Variants in TRRAP observed in about 807,000 individuals in gnomAD.
TRRAP encodes transformation/transcription domain associated protein, also known as transformation/transcription domain-associated protein.
TRRAP carries 41 observed loss-of-function variants against 438.8 expected under a neutral mutation model. The ratio of observed to expected loss-of-function variants is 0.09; its 90% confidence interval spans 0.07 to 0.12. The LOEUF is 0.12. Ranked by LOEUF, TRRAP falls within the 10% of genes least tolerant of loss-of-function variation. The pLI is 1.00. For missense variants in TRRAP, 3,122 were observed against 5,055.1 expected (o/e 0.62, Z 11.60); for synonymous variants, 1,994 against 1,962.9 (o/e 1.02, Z -0.42).
intron 47 of TRRAP, among the ~76,000 whole-genome samples, chr7:98,963,694 T>C (rs1001902334): frequency 6.6e-6 from 1 of 152,220 alleles, no homozygotes; most frequent in African/African-American, 2.4e-5. Context: ...TGTTGACTGC[T>C]CTGTTAAGAA....
rs1554402972 is a variant in TRRAP at position 98,881,136 on chromosome 7, C to A, written c.-15C>A. On this transcript the variant is annotated 5_prime_UTR_variant, in exon 2 of 73. Transcript: ENST00000456197. The stretch of plus-strand genomic sequence containing the variant: ...GATACTTTTCTCTTGAGAAGCAAAC[C>A]AGCCCAAAAGAAAAATGGCGTTTGT... The A allele has an allele frequency of 1.4e-5, 23 of 1,598,624 alleles. No individual in the cohort carries two copies. Among genetic ancestry groups the A allele is most frequent in the Non-Finnish European group, 1.9e-5 (22 of 1,171,626 alleles).
At chr7:99,000,863 C>G (rs1298303234) in intron 67 of TRRAP, among the ~76,000 whole-genome samples, 1 of 152,240 alleles carries the variant, frequency 6.6e-6, no homozygotes, top group Non-Finnish European at 1.5e-5. Context: ...TGGCCCGGCC[C>G]CCTTCTCTGC....
At chr7:98,991,816 C>G (rs1249785946) in intron 64 of TRRAP, among the ~76,000 whole-genome samples, 30 of 152,210 alleles carry the variant, frequency 2.0e-4, no homozygotes, top group Admixed American at 2.0e-3. Flanking sequence ...TCAGTGAGAT[C>G]TGGGGACACA....
intron 18 of TRRAP, among the ~76,000 whole-genome samples, chr7:98,913,353 G>A (rs1247926816): frequency 1.3e-5 from 2 of 151,718 alleles, no homozygotes; most frequent in Non-Finnish European, 2.9e-5. Context: ...GCAGTGGAGT[G>A]ATCTTGGCTC....
chr7:98,967,855 G>A (rs552161565), intron 51 of TRRAP, among the ~76,000 whole-genome samples, 157 bp downstream of exon 51: 1 of 152,262 alleles, frequency 6.6e-6, no homozygotes, highest in African/African-American at 2.4e-5. Flanking sequence ...AGACTTCAGG[G>A]CAAGCGTTCA....
Position 98,962,311 on chromosome 7 carries a change from G to T in TRRAP, c.6713G>T (p.Ser2238Ile), listed in dbSNP as rs1386593030. ...CCCTGCCCTGTTGTAGGTACTTCCA[G>T]TGTGGCCTCCAAATATGAAGAGCTG... ...SIFPTEPSTS[S>I]VASKYEELEC... Residue 2238 changes from serine (S) to isoleucine (I), a missense_variant, in exon 47 of 73, where the codon AGT (serine) becomes ATT (isoleucine). Transcript: ENST00000456197. The T allele has an allele frequency of 4.3e-6, 7 of 1,614,074 alleles. No homozygotes were observed. Among genetic ancestry groups the T allele is most frequent in the East Asian group, 2.2e-5 (1 of 44,880 alleles).
chr7:98,950,101 C>T lies in TRRAP; in HGVS notation c.5173C>T (p.Leu1725Phe). 1 of 1,614,240 alleles carries T rather than the reference C, an allele frequency of 6.2e-7. No individual in the cohort carries two copies. Among genetic ancestry groups the T allele is most frequent in the Non-Finnish European group, 8.5e-7 (1 of 1,180,042 alleles). The change falls in exon 38 of 73, where the codon CTC becomes TTC. Residue 1725 changes from leucine (L) to phenylalanine (F), a missense_variant. Transcript: ENST00000456197. ...YGDIELLFQL[L>F]RAFTGRFLCN... Reference sequence around the variant, plus strand: ...AGATATAGAATTGCTGTTCCAGCTGCTCCGAGCCTTTACTGGTCGTTTTCT... The same window carrying T: ...AGATATAGAATTGCTGTTCCAGCTGTTCCGAGCCTTTACTGGTCGTTTTCT...
rs1315873358 is a variant in TRRAP, at chr7:98,978,893, G to A, written c.8623G>A (p.Ala2875Thr). The change falls in exon 58 of 73, where the codon GCG becomes ACG. Residue 2875 changes from alanine to threonine, a missense_variant. By Grantham distance (58) the Ala-to-Thr change is moderately conservative. Around this residue, in one of 24 missense-constraint regions of TRRAP, gnomAD observed 992 missense variants for 1,281.2 expected, o/e 0.77. Transcript: ENST00000456197. ...RVSNWTAMKE[A>T]LVQVEVSCPK... is the part of the protein sequence containing the mutation. ...GTCCAACTGGACTGCCATGAAGGAG[G>A]CGCTGGTGCAGGTGAGACGCCCCGG... 1.9e-6 allele frequency: 3 copies of A among 1,614,068 alleles called. No homozygotes were observed. The highest frequency in any genetic ancestry group is 3.3e-5 in the Admixed American group (2 of 60,036).
At chr7:98,971,145 G>T (rs978395954) in intron 52 of TRRAP, among the ~76,000 whole-genome samples, 1 of 152,084 alleles carries the variant, frequency 6.6e-6, no homozygotes, top group African/African-American at 2.4e-5. Context: ...TAATAATTTC[G>T]AATTAAAATT....
intron 70 of TRRAP, 34 bp downstream of exon 70, chr7:99,008,595 CG>C: frequency 6.2e-7 from 1 of 1,606,108 alleles, no homozygotes; most frequent in Non-Finnish European, 8.5e-7. Context: ...GCCGAGCTGC[CG>C]CCTGCAGCCC....
chr7:98,935,241 G>A (rs1269169538), intron 27 of TRRAP, among the ~76,000 whole-genome samples: 2 of 152,242 alleles, frequency 1.3e-5, no homozygotes, highest in Admixed American at 1.3e-4. Flanking sequence ...AGGAAGACAC[G>A]GCCCTGCCAT....
intron 31 of TRRAP, among the ~76,000 whole-genome samples, chr7:98,944,883 G>C (rs1250151826): frequency 6.6e-6 from 1 of 152,080 alleles, no homozygotes; most frequent in African/African-American, 2.4e-5. Flanking sequence ...TGGCTCACTG[G>C]AGCCTCCACC....
chr7:98,931,534 G>A lies in TRRAP; in HGVS notation c.3721G>A (p.Val1241Met), dbSNP rs1554412901. 6.2e-7 allele frequency: 1 copy of A among 1,614,186 alleles called. No homozygotes were observed. The highest frequency in any genetic ancestry group is 1.7e-5 in the Admixed American group (1 of 60,016). ...VAAQEKSFHH[V>M]THDLVREVTS... is the part of the protein sequence containing the mutation. ...CGCCCAGGAAAAGTCTTTCCACCAT[G>A]TGACACACGACTTGGTTCGAGAAGT... Residue 1241 changes from valine to methionine, a missense_variant, in exon 26 of 73, where the codon GTG becomes ATG. Around this residue, in one of 24 missense-constraint regions of TRRAP, gnomAD observed 153 missense variants for 223.0 expected, o/e 0.69. Transcript: ENST00000456197.
At chr7:98,979,040 T>A in intron 58 of TRRAP, 136 bp downstream of exon 58, 1 of 1,083,532 alleles carries the variant, frequency 9.2e-7, no homozygotes, top group African/African-American at 1.6e-5. Context: ...AGGTTCCTTT[T>A]GATTGTCTAA....
At position 98,916,021 on chromosome 7, in the gene TRRAP, C is replaced by T. The variant is rs547304768; in HGVS notation, c.2365+133C>T. On this transcript the variant is annotated intron_variant, in intron 19 of 72. Transcript: ENST00000456197. ...TTGGTGGGATGGGATGTGGCACATC[C>T]GCCGCCCCCCTGCCCCCCTCCCCTG... The T allele has an allele frequency of 4.4e-5, 54 of 1,226,038 alleles. 1 individual carries two copies. Among genetic ancestry groups the T allele is most frequent in the Middle Eastern group, 2.2e-4 (1 of 4,634 alleles). 75.9% of individuals were successfully genotyped at this position (1,226,038 alleles called of 1,614,324 possible).
At chr7:98,961,597 T>A in intron 46 of TRRAP, 123 bp downstream of exon 46, 1 of 1,210,368 alleles carries the variant, frequency 8.3e-7, no homozygotes, top group Non-Finnish European at 1.2e-6. Flanking sequence ...CCTTTCTACT[T>A]GCAAACTTTC....
At chr7:99,003,775 G>A (rs1183788244) in intron 67 of TRRAP, among the ~76,000 whole-genome samples, 1 of 152,210 alleles carries the variant, frequency 6.6e-6, no homozygotes, top group East Asian at 1.9e-4. Context: ...TATAAAACGT[G>A]TAATTCGGCT....
chr7:98,896,421 G>A (rs1166763415), intron 7 of TRRAP, among the ~76,000 whole-genome samples: 2 of 151,350 alleles, frequency 1.3e-5, no homozygotes, highest in African/African-American at 4.9e-5. Flanking sequence ...TTTTTGGCTG[G>A]GGGTGCGGGG....
intron 39 of TRRAP, 146 bp downstream of exon 39, chr7:98,951,150 G>A: frequency 9.1e-7 from 1 of 1,098,962 alleles, no homozygotes. Flanking sequence ...TTTCATGATT[G>A]TGTTAGTTTT....
Sources: gnomAD v4.1 joint callset for allele counts (sites outside exome capture counted in the v4.1 genomes callset) on GRCh38, gnomAD v4.1.1 for gene constraint, gnomAD v4.1.1 regional missense constraint, MANE v1.5 for transcripts, NCBI Gene and HGNC (gene_info 2026-07-23, HGNC 2026-07-21) for gene names.